ZNF808: variants seen among roughly 807,000 people sequenced by gnomAD.
ZNF808 encodes zinc finger protein 808.
A neutral mutation model predicts 8.7 loss-of-function variants in ZNF808; 5 were observed. The ratio of observed to expected loss-of-function variants is 0.58; its 90% CI spans 0.30 to 1.21. The LOEUF (loss-of-function observed/expected upper bound fraction) is 1.21. Ranked by LOEUF, ZNF808 falls within the 50% of genes most tolerant of loss-of-function variation. The pLI is 0.07. For synonymous variants in ZNF808, 380 were observed against 366.0 expected, an observed-to-expected ratio of 1.04 and a Z score of -0.44; for missense variants, 1,103 against 1,098.4, an observed-to-expected ratio of 1.00 and a Z score of -0.06.
At chr19:52,552,981 C>A in intron 4 of ZNF808, 126 bp from the exon 5 acceptor site, 1 of 1,349,832 alleles carries the variant, frequency 7.4e-7, no homozygotes, top group Non-Finnish European at 9.8e-7. Context: ...TTTTGTGTTC[C>A]TAAACTTTGA....
downstream of ZNF808, among the ~76,000 whole-genome samples, chr19:52,561,158 TTCTCTCTCTCTCTCTCTCTCTCTC>T (rs1191860993): frequency 1.3e-4 from 7 of 52,694 alleles, no homozygotes; most frequent in South Asian, 2.0e-3. Flanking sequence ...CTTCTATCTG[TTCTCTCTCTCTCTCTCTCTCTCTC>T]TCTCTCTCTC....
At chr19:52,552,461 G>A (rs2123186043) in intron 4 of ZNF808, among the ~76,000 whole-genome samples, 1 of 150,970 alleles carries the variant, frequency 6.6e-6, no homozygotes, top group East Asian at 1.9e-4. Context: ...CACCCTGGCA[G>A]GAGTGCAGTG....
downstream of ZNF808, among the ~76,000 whole-genome samples, chr19:52,557,061 C>T (rs750230274): frequency 3.3e-5 from 5 of 152,110 alleles, no homozygotes; most frequent in African/African-American, 4.8e-5. Flanking sequence ...ACCTCTGCCT[C>T]CCGGCATCAA....
rs115750713 is a variant in ZNF808 at position 52,552,943 on chromosome 19, C to G, written c.191-164C>G. Among the ~76,000 whole-genome samples the G allele has an allele frequency of 9.6e-3, 1,459 of 152,168 alleles. 20 individuals are homozygous for G. Among genetic ancestry groups the G allele is most frequent in the African/African-American group, 0.028 (1,166 of 41,510 alleles). ...AATTGATTTGAAGGACATGTAATTG[C>G]CCTTTATTTACTAAAGAATCTCACT... On this transcript the variant is annotated intron_variant, in intron 4 of 4. Transcript: ENST00000359798.
intron 2 of ZNF808, among the ~76,000 whole-genome samples, chr19:52,536,568 T>C (rs2123091298): frequency 6.6e-6 from 1 of 152,292 alleles, no homozygotes; most frequent in Middle Eastern, 3.4e-3. Flanking sequence ...CCGCTTCCCC[T>C]GAACCAGCGT....
At chr19:52,558,995 G>C (rs1344124416), downstream of ZNF808, among the ~76,000 whole-genome samples, 1 of 152,186 alleles carries the variant, frequency 6.6e-6, no homozygotes, top group Non-Finnish European at 1.5e-5. Context: ...ACTGCGAAAG[G>C]CCGCAGGAAC....
downstream of ZNF808, among the ~76,000 whole-genome samples, chr19:52,565,758 C>T (rs549241666): frequency 6.6e-6 from 1 of 152,248 alleles, no homozygotes; most frequent in Admixed American, 6.5e-5. Context: ...TTGTTATCTC[C>T]CTGTGACCTG....
intron 1 of ZNF808, among the ~76,000 whole-genome samples, chr19:52,528,984 A>G (rs1405870867): frequency 3.9e-5 from 6 of 151,906 alleles, no homozygotes; most frequent in Non-Finnish European, 7.4e-5. Flanking sequence ...TACAAAATGA[A>G]GAGCAGAATC....
downstream of ZNF808, among the ~76,000 whole-genome samples, chr19:52,560,715 C>T (rs941319327): frequency 2.6e-5 from 4 of 152,128 alleles, no homozygotes; most frequent in African/African-American, 9.7e-5. Context: ...TTACCATTTG[C>T]TAAATTAGTT....
intron 2 of ZNF808, among the ~76,000 whole-genome samples, chr19:52,540,911 C>T (rs1159080136): frequency 2.0e-5 from 3 of 152,174 alleles, no homozygotes; most frequent in Admixed American, 6.6e-5. Flanking sequence ...AAAGAAGTTT[C>T]GTTTGCTCAG....
chr19:52,563,069 C>T (rs896029159), intron 3 of ZNF808, among the ~76,000 whole-genome samples: 8 of 152,064 alleles, frequency 5.3e-5, no homozygotes, highest in Non-Finnish European at 8.8e-5. Context: ...CCACCGCATC[C>T]TGTCGTTAGT....
chr19:52,537,363 T>C (rs113584345), intron 2 of ZNF808, among the ~76,000 whole-genome samples: 6 of 149,844 alleles, frequency 4.0e-5, no homozygotes, highest in Non-Finnish European at 5.9e-5. Context: ...ATGAGAGATA[T>C]GTACAGAATT....
At chr19:52,533,682 T>C (rs1047069115) in intron 2 of ZNF808, among the ~76,000 whole-genome samples, 3 of 151,434 alleles carry the variant, frequency 2.0e-5, no homozygotes, top group African/African-American at 7.3e-5. Flanking sequence ...GTTGAAACCC[T>C]GTCTCTACTA....
rs763989606 is a variant in ZNF808 at position 52,553,825 on chromosome 19, A to G, written c.909A>G (p.Thr303=). Residue 303 remains threonine (T), a synonymous_variant, in exon 5 of 5, where the codon ACA becomes ACG. Transcript: ENST00000359798. ...CCTTCAGTTACAAGTCATCCCTTAC[A>G]TGCCATCATAGACTTCATACTGGAG... ...GKSFSYKSSL[T]CHHRLHTGVK... is the part of the protein sequence containing the mutation. The G allele has an allele frequency of 3.7e-6, 6 of 1,614,028 alleles. No individual in the cohort carries two copies. Among genetic ancestry groups the G allele is most frequent in the Non-Finnish European group, 4.2e-6 (5 of 1,180,032 alleles).
At chr19:52,536,760 T>A (rs1314335921) in intron 2 of ZNF808, among the ~76,000 whole-genome samples, 3 of 151,734 alleles carry the variant, frequency 2.0e-5, no homozygotes, top group Non-Finnish European at 4.4e-5. Context: ...TCTGGGGTGC[T>A]AGAGAGTGGG....
Position 52,554,494 on chromosome 19 carries a change from T to C in ZNF808, c.1578T>C (p.Leu526=), listed in dbSNP as rs1168191997. Residue 526 remains leucine, a synonymous_variant, in exon 5 of 5, where the codon CTT becomes CTC. Coordinates refer to ENST00000359798, the MANE Select transcript of ZNF808 (RefSeq NM_001039886.4). ...CGNTFRHRAS[L]VYHRRLHTLE... ...ATACCTTCCGTCACCGGGCATCCCT[T>C]GTATACCATCGTAGACTTCACACTC... 5 of 1,614,058 alleles carry C rather than the reference T, an allele frequency of 3.1e-6. No individual in the cohort carries two copies. Among genetic ancestry groups the C allele is most frequent in the East Asian group, 2.2e-5 (1 of 44,888 alleles).
At chr19:52,529,173 C>T (rs867819547) in intron 1 of ZNF808, among the ~76,000 whole-genome samples, 1 of 150,122 alleles carries the variant, frequency 6.7e-6, no homozygotes, top group Non-Finnish European at 1.5e-5. Flanking sequence ...TCTAGGAGTT[C>T]GAGACCAGCC....
intron 1 of ZNF808, among the ~76,000 whole-genome samples, chr19:52,529,899 A>G (rs2059544984): frequency 1.7e-5 from 2 of 119,062 alleles, no homozygotes. Context: ...TTACATATAT[A>G]TATATATATA....
Position 52,553,928 on chromosome 19 carries a change from A to G in ZNF808, c.1012A>G (p.Thr338Ala). Residue 338 changes from threonine to alanine, a missense_variant, in exon 5 of 5, where the codon ACT becomes GCT. Transcript: ENST00000359798. Reference protein sequence around the residue: ...SALVIHKAIHTGEKPYKCNEC... With the variant: ...SALVIHKAIHAGEKPYKCNEC... ...CCTTGTAATTCATAAGGCAATTCAT[A>G]CTGGAGAGAAACCTTACAAGTGTAA... 3 of 1,614,176 alleles carry G rather than the reference A, an allele frequency of 1.9e-6. No individual in the cohort carries two copies. The highest frequency in any genetic ancestry group is 2.5e-6 in the Non-Finnish European group (3 of 1,180,038).
Sources: allele counts gnomAD v4.1 joint callset (sites outside exome capture counted in the v4.1 genomes callset), GRCh38; gene constraint gnomAD v4.1.1; transcripts MANE v1.5; gene names NCBI Gene and HGNC (gene_info 2026-07-23, HGNC 2026-07-21).